The following SLCO1C1 variants were observed in gnomAD, a reference collection of about 807,000 sequenced individuals.
SLCO1C1 encodes solute carrier organic anion transporter family member 1C1.
A neutral mutation model predicts 76.4 loss-of-function variants in SLCO1C1; 70 were observed. That is an observed-to-expected ratio of 0.92 (90% CI 0.76 to 1.12). The LOEUF (loss-of-function observed/expected upper bound fraction) is 1.12. Ranked by LOEUF, SLCO1C1 falls within the 50% of genes most tolerant of loss-of-function variation. SLCO1C1 has a pLI of 0.00. For missense variants in SLCO1C1, 912 were observed against 823.8 expected (o/e 1.11, Z -1.31); for synonymous variants, 306 against 286.1 (o/e 1.07, Z -0.70).
intron 13 of SLCO1C1, 133 bp from the exon 14 acceptor site, chr12:20,750,542 G>A (rs992429734): frequency 6.6e-6 from 5 of 763,204 alleles, no homozygotes; most frequent in Non-Finnish European, 1.1e-5. Flanking sequence ...AGGTTTGGGA[G>A]ATTTCAGCAT....
At chr12:20,707,387 T>C (rs2120648752) in intron 4 of SLCO1C1, among the ~76,000 whole-genome samples, 1 of 152,156 alleles carries the variant, frequency 6.6e-6, no homozygotes, top group East Asian at 1.9e-4. Context: ...ATGTGACAGT[T>C]TGCTCAGGGG....
chr12:20,703,645 T>C (rs10743390), intron 3 of SLCO1C1, among the ~76,000 whole-genome samples: 101,393 of 151,582 alleles, frequency 0.67, 34,376 homozygotes, highest in East Asian at 0.81. Context: ...TTTTACAGTG[T>C]CTATTAAGTT....
intron 12 of SLCO1C1, among the ~76,000 whole-genome samples, chr12:20,742,309 C>G (rs1316111612): frequency 4.1e-5 from 6 of 148,142 alleles, no homozygotes; most frequent in African/African-American, 1.5e-4. Flanking sequence ...GAAGGACTCC[C>G]TTGGGTTGAA....
intron 12 of SLCO1C1, among the ~76,000 whole-genome samples, chr12:20,742,282 T>C (rs757812284): frequency 5.3e-5 from 8 of 151,780 alleles, no homozygotes; most frequent in Non-Finnish European, 1.0e-4. Flanking sequence ...TATTAACTAT[T>C]GTGAATTTTG....
At chr12:20,749,038 C>T (rs981417904) in intron 13 of SLCO1C1, among the ~76,000 whole-genome samples, 2 of 152,170 alleles carry the variant, frequency 1.3e-5, no homozygotes, top group Admixed American at 6.5e-5. Context: ...TAGCAGCCAT[C>T]GATGAGTCTG....
At chr12:20,696,226 ACTC>A (rs1201846820) in intron 1 of SLCO1C1, among the ~76,000 whole-genome samples, 1 of 152,046 alleles carries the variant, frequency 6.6e-6, no homozygotes, top group Non-Finnish European at 1.5e-5. Flanking sequence ...AACAACACAC[ACTC>A]CTCTGCAGCA....
chr12:20,740,783 T>TATATATATATATATATATA lies in SLCO1C1; in HGVS notation c.1733+415_1733+416insATATATATATATATATATA, dbSNP rs1406774430. Among the ~76,000 whole-genome samples the TATATATATATATATATATA allele has an allele frequency of 9.3e-4, 50 of 53,978 alleles. 3 individuals are homozygous for TATATATATATATATATATA. The highest frequency in any genetic ancestry group is 1.3e-3 in the South Asian group (2 of 1,506). 35.4% of individuals were successfully genotyped at this position (53,978 alleles called of 152,430 possible). ...TAATACAACAATGTTAGAATTTATT[T>TATATATATATATATATATA]TATTTATATATATATATATATATAT... On this transcript the variant is annotated intron_variant, in intron 12 of 14. Transcript: ENST00000266509.
At position 20,740,229 on chromosome 12, in the gene SLCO1C1, G is replaced by A. The variant is rs149798560; in HGVS notation, c.1594G>A (p.Gly532Arg). The A allele has an allele frequency of 8.6e-5, 138 of 1,613,170 alleles. 1 individual carries two copies. In the African/African-American group the frequency reaches 9.9e-4, roughly 12 times the overall value. The change falls in exon 12 of 15, where the codon GGA (glycine) becomes AGA (arginine). Residue 532 changes from glycine (G) to arginine (R), a missense_variant. Transcript: ENST00000266509. ...TGTGGGAATTGCAGCTTCTAAATCC[G>A]GAAATTCCTCAGGCATAGTGGGAAG... ...TCVGIAASKS[G>R]NSSGIVGRCQ...
At chr12:20,708,632 T>C (rs935134416) in intron 4 of SLCO1C1, among the ~76,000 whole-genome samples, 1 of 152,114 alleles carries the variant, frequency 6.6e-6, no homozygotes, top group Non-Finnish European at 1.5e-5. Context: ...CTAGCCTAAG[T>C]GAACAGTGAA....
At chr12:20,742,483 A>G (rs1029739008) in intron 12 of SLCO1C1, among the ~76,000 whole-genome samples, 13 of 152,052 alleles carry the variant, frequency 8.5e-5, no homozygotes, top group African/African-American at 3.1e-4. Context: ...TTACAGTCAT[A>G]TTAATGACAC....
chr12:20,738,068 G>T (rs1177173749), intron 11 of SLCO1C1, among the ~76,000 whole-genome samples: 1 of 151,954 alleles, frequency 6.6e-6, no homozygotes, highest in Non-Finnish European at 1.5e-5. Flanking sequence ...GGAGAGACAG[G>T]TCTCCTGTCT....
In SLCO1C1 at chr12:20,722,117, A is replaced by G. The variant is rs138185418; in HGVS notation, c.1021+68A>G. 1.1e-3 allele frequency: 1,674 copies of G among 1,524,906 alleles called. 2 individuals carry two copies. Among genetic ancestry groups the G allele is most frequent in the Admixed American group, 2.3e-3 (112 of 49,230 alleles). The allele number at this position is 1,524,906 out of a possible 1,614,324, so 94.5% of individuals were successfully genotyped here. A position where few individuals can be genotyped will look rare whatever the true frequency, so the allele number is the denominator to read the frequency against. ...TGGGGCTTAAGGAGATTTATAAATT[A>G]CATCCCTCTCTTCCCTTCGTGTATT... On this transcript the variant is annotated intron_variant, in intron 8 of 14. Transcript: ENST00000266509.
chr12:20,709,688 T>C lies in SLCO1C1; in HGVS notation c.405-1698T>C, dbSNP rs1398906106. Among the ~76,000 whole-genome samples the C allele has an allele frequency of 3.0e-5, 2 of 67,602 alleles. 1 individual carries two copies. The highest frequency in any genetic ancestry group is 9.6e-5 in the African/African-American group (2 of 20,862). 44.3% of individuals were successfully genotyped at this position (67,602 alleles called of 152,430 possible). ...TGAGGTCAGGAGATCGAGACCATCC[T>C]GGCTAACAAGGTGAAACCCCGTCTC... On this transcript the variant is annotated intron_variant, in intron 4 of 14. Transcript: ENST00000266509.
At chr12:20,739,572 G>A (rs186788397) in intron 11 of SLCO1C1, among the ~76,000 whole-genome samples, 25 of 152,264 alleles carry the variant, frequency 1.6e-4, no homozygotes, top group Admixed American at 1.2e-3. Context: ...TGTTTGGAAA[G>A]GGCAAAATGG....
intron 5 of SLCO1C1, among the ~76,000 whole-genome samples, 168 bp from the exon 6 acceptor site, chr12:20,714,971 A>T (rs1947294661): frequency 6.6e-6 from 1 of 152,232 alleles, no homozygotes; most frequent in African/African-American, 2.4e-5. Context: ...TAAAAGGTTG[A>T]AGGTATAAAA....
rs532189148 is a variant in SLCO1C1 at position 20,708,063 on chromosome 12, T to A, written c.404+1982T>A. Among the ~76,000 whole-genome samples the A allele has an allele frequency of 2.0e-5, 3 of 152,322 alleles. No individual in the cohort carries two copies. In the East Asian group the frequency reaches 5.8e-4, roughly 29 times the overall value. ...TTCCTTCATGAAGCTTGCTCTCTACTGAGGATTATCACTCTAGTTTCTTTC... is the reference window on the plus strand; with the variant it reads ...TTCCTTCATGAAGCTTGCTCTCTACAGAGGATTATCACTCTAGTTTCTTTC... On this transcript the variant is annotated intron_variant, in intron 4 of 14. Transcript: ENST00000266509.
rs1351992873 is a variant in SLCO1C1 at position 20,730,603 on chromosome 12, G to A, written c.1187-2306G>A. ...TTCCAGATTTTCATCTCTGCTGCTTGCCATACCCAGCAACCTCAGTTCAGC... is the reference window on the plus strand; with the variant it reads ...TTCCAGATTTTCATCTCTGCTGCTTACCATACCCAGCAACCTCAGTTCAGC... On this transcript the variant is annotated intron_variant, in intron 9 of 14. Coordinates refer to ENST00000266509, the MANE Select transcript of SLCO1C1 (RefSeq NM_017435.5). 2.0e-5 allele frequency among the ~76,000 whole-genome samples: 3 copies of A among 152,218 alleles called. No homozygotes were observed. In the East Asian group the frequency reaches 5.8e-4, roughly 29 times the overall value.
chr12:20,734,150 C>T (rs1948433485), intron 10 of SLCO1C1, among the ~76,000 whole-genome samples: 1 of 152,126 alleles, frequency 6.6e-6, no homozygotes, highest in African/African-American at 2.4e-5. Flanking sequence ...CTCTTGCTTC[C>T]CTGCTTATCT....
At chr12:20,738,607 T>C (rs983667767) in intron 11 of SLCO1C1, among the ~76,000 whole-genome samples, 1 of 152,166 alleles carries the variant, frequency 6.6e-6, no homozygotes, top group African/African-American at 2.4e-5. Context: ...CATGCTTCTC[T>C]TTTTTTCTTT....
Sources: gnomAD v4.1 joint callset for allele counts (sites outside exome capture counted in the v4.1 genomes callset) on GRCh38, gnomAD v4.1.1 for gene constraint, MANE v1.5 for transcripts, NCBI Gene and HGNC (gene_info 2026-07-23, HGNC 2026-07-21) for gene names.